NR5A2: variants seen among roughly 807,000 people sequenced by gnomAD.
NR5A2 encodes the protein nuclear receptor subfamily 5 group A member 2, also known as CYP7A promoter-binding factor.
NR5A2 carries 26 observed loss-of-function variants against 62.7 expected under a neutral mutation model. That is an observed-to-expected ratio of 0.41 (90% CI 0.30 to 0.58). The LOEUF (loss-of-function observed/expected upper bound fraction) is 0.58, where lower values mean the gene tolerates loss of function less well. Among genes scored for constraint, NR5A2 ranks in the 20% least tolerant of loss-of-function variants. NR5A2 has a pLI of 0.22. For synonymous variants in NR5A2, 246 were observed against 241.7 expected (o/e 1.02, Z -0.16); for missense variants, 541 against 669.1 (o/e 0.81, Z 2.11).
At chr1:200,125,005 G>A (rs755823141) in intron 7 of NR5A2, among the ~76,000 whole-genome samples, 11 of 152,176 alleles carry the variant, frequency 7.2e-5, no homozygotes, top group Non-Finnish European at 1.5e-4. Flanking sequence ...GCTAAAAGCC[G>A]TATTCAAATA....
intron 7 of NR5A2, among the ~76,000 whole-genome samples, chr1:200,123,960 C>A (rs974913468): frequency 2.0e-5 from 3 of 151,958 alleles, no homozygotes; most frequent in Non-Finnish European, 2.9e-5. Context: ...TGCCACCACA[C>A]CTGGCTAATT....
chr1:200,166,932 T>G (rs561372127), intron 7 of NR5A2, among the ~76,000 whole-genome samples: 1 of 152,352 alleles, frequency 6.6e-6, no homozygotes, highest in East Asian at 1.9e-4. Flanking sequence ...TCCTCCCTCA[T>G]TCTTACTGAC....
chr1:200,120,307 C>T (rs1010246693), intron 6 of NR5A2, among the ~76,000 whole-genome samples: 1 of 152,146 alleles, frequency 6.6e-6, no homozygotes, highest in East Asian at 1.9e-4. Flanking sequence ...AGAACACTCT[C>T]CTGGATTCAC....
intron 5 of NR5A2, among the ~76,000 whole-genome samples, chr1:200,099,363 T>G (rs1202864482): frequency 6.6e-6 from 1 of 151,964 alleles, no homozygotes; most frequent in African/African-American, 2.4e-5. Flanking sequence ...TTTTCCTGGC[T>G]TTGTAAAGCA....
At chr1:200,063,615 T>C (rs1171351489) in intron 5 of NR5A2, among the ~76,000 whole-genome samples, 17 of 152,140 alleles carry the variant, frequency 1.1e-4, no homozygotes, top group Admixed American at 1.1e-3. Context: ...TTTGGAAGGG[T>C]CCAGCTGAGA....
chr1:200,121,575 G>C (rs2102311529), intron 7 of NR5A2, among the ~76,000 whole-genome samples: 1 of 152,232 alleles, frequency 6.6e-6, no homozygotes, highest in South Asian at 2.1e-4. Flanking sequence ...AGTCAGTTGA[G>C]AAAAATCACC....
intron 5 of NR5A2, among the ~76,000 whole-genome samples, chr1:200,077,987 C>T (rs1482334923): frequency 1.3e-5 from 2 of 152,110 alleles, no homozygotes; most frequent in Non-Finnish European, 2.9e-5. Context: ...AATCCCAGGG[C>T]TTCATGGACT....
chr1:200,171,992 G>C (rs529568546), intron 7 of NR5A2, among the ~76,000 whole-genome samples: 2 of 151,926 alleles, frequency 1.3e-5, no homozygotes, highest in African/African-American at 2.4e-5. Flanking sequence ...TTCTAAAAAG[G>C]GTATTCTTCA....
intron 5 of NR5A2, among the ~76,000 whole-genome samples, chr1:200,103,833 A>AG (rs1415526789): frequency 6.6e-6 from 1 of 152,226 alleles, no homozygotes; most frequent in Admixed American, 6.5e-5. Flanking sequence ...AATTTGGAAG[A>AG]GGTGATTGTC....
chr1:200,074,928 T>G (rs1165685808), intron 5 of NR5A2, among the ~76,000 whole-genome samples: 3 of 151,830 alleles, frequency 2.0e-5, no homozygotes, highest in Non-Finnish European at 1.5e-5. Context: ...ACACGTGAAA[T>G]TATGAAGATA....
At chr1:200,159,841 C>T (rs980062813) in intron 7 of NR5A2, among the ~76,000 whole-genome samples, 2 of 151,902 alleles carry the variant, frequency 1.3e-5, no homozygotes, top group South Asian at 2.1e-4. Context: ...TTAGTAAAGA[C>T]GGGGTTTCAC....
chr1:200,039,079 G>A lies in NR5A2; in HGVS notation c.65-579G>A, dbSNP rs1489011853. The stretch of plus-strand genomic sequence containing the variant: ...GGCCGTTCTCGGTCCCGCGCGGGGA[G>A]TGGACCAGGCAGGAGAGGGAGGTTG... On this transcript the variant is annotated intron_variant, in intron 1 of 7. Coordinates refer to ENST00000367362, the MANE Select transcript of NR5A2 (RefSeq NM_205860.3). The surrounding 1 kb of genome is among the most constrained non-coding windows in gnomAD (Gnocchi z 5.1). 6.6e-6 allele frequency among the ~76,000 whole-genome samples: 1 copy of A among 152,080 alleles called. No individual in the cohort carries two copies. The highest frequency in any genetic ancestry group is 1.9e-4 in the East Asian group (1 of 5,176).
intron 7 of NR5A2, among the ~76,000 whole-genome samples, chr1:200,142,628 A>G (rs1020325479): frequency 8.5e-5 from 13 of 152,170 alleles, no homozygotes; most frequent in Non-Finnish European, 1.8e-4. Context: ...TTCTGGGCTC[A>G]AGCAATCCTC....
chr1:200,059,955 G>T (rs778692613), intron 5 of NR5A2, among the ~76,000 whole-genome samples: 1 of 152,018 alleles, frequency 6.6e-6, no homozygotes, highest in Non-Finnish European at 1.5e-5. Context: ...CATAAACCAC[G>T]TCACCTAACC....
intron 1 of NR5A2, among the ~76,000 whole-genome samples, chr1:200,038,989 A>C (rs1661915653): frequency 1.4e-5 from 2 of 143,364 alleles, no homozygotes; most frequent in South Asian, 2.3e-4. Flanking sequence ...GGCCCTACTT[A>C]CCTCCTTCTC....
In NR5A2 at chr1:200,157,530, G is replaced by A. The variant is rs1653446251; in HGVS notation, c.1379-16433G>A. ...AAAAAAAAATAGGATAGCTTCTTTT[G>A]CAAATGTTTCAAGCTCCAAAAGTTC... is the stretch of plus-strand genomic sequence containing the variant. On this transcript the variant is annotated intron_variant, in intron 7 of 7. Coordinates refer to ENST00000367362, the MANE Select transcript of NR5A2 (RefSeq NM_205860.3). Among the ~76,000 whole-genome samples the A allele has an allele frequency of 3.3e-5, 5 of 152,010 alleles. No homozygotes were observed. The South Asian group carries it at 1.0e-3, about 31-fold the overall frequency.
chr1:200,109,965 A>T (rs1194003094), intron 5 of NR5A2, among the ~76,000 whole-genome samples: 1 of 152,242 alleles, frequency 6.6e-6, no homozygotes, highest in South Asian at 2.1e-4. Context: ...GGGTTTCACC[A>T]TGTTGGCCAG....
rs1421660929 is a variant in NR5A2 at position 200,142,293 on chromosome 1, G to A, written c.1378+21338G>A. 4.3e-5 allele frequency among the ~76,000 whole-genome samples: 6 copies of A among 140,312 alleles called. No individual in the cohort carries two copies. In the South Asian group the frequency reaches 6.8e-4, roughly 16 times the overall value. The allele number at this position is 140,312 out of a possible 152,430, so 92.1% of individuals were successfully genotyped here. On this transcript the variant is annotated intron_variant, in intron 7 of 7. Coordinates refer to ENST00000367362, the MANE Select transcript of NR5A2 (RefSeq NM_205860.3). ...CAGCTCACTGCGACCTCTGCCTCCC[G>A]GGTTCAAGTGATTCTCCTGCCTCAG... is the stretch of plus-strand genomic sequence containing the variant.
chr1:200,045,681 A>C, intron 4 of NR5A2, 97 bp downstream of exon 4: 1 of 1,041,404 alleles, frequency 9.6e-7, no homozygotes, highest in Non-Finnish European at 1.4e-6. Context: ...TTATTTTCCC[A>C]GCATTTTAAC....
Sources: gnomAD v4.1 joint callset for allele counts (sites outside exome capture counted in the v4.1 genomes callset) on GRCh38, gnomAD v4.1.1 for gene constraint, Gnocchi (gnomAD v3.1) non-coding constraint, MANE v1.5 for transcripts, NCBI Gene and HGNC (gene_info 2026-07-23, HGNC 2026-07-21) for gene names.